The following DIPK1A variants were observed in gnomAD, a reference collection of about 807,000 sequenced individuals.
The protein encoded by DIPK1A is divergent protein kinase domain 1A, also known as family with sequence similarity 69 member A.
A neutral mutation model predicts 40.8 loss-of-function variants in DIPK1A; 27 were observed. The ratio of observed to expected loss-of-function variants is 0.66; its 90% CI spans 0.49 to 0.91. DIPK1A has a LOEUF of 0.91. DIPK1A is among the 40% of genes least tolerant of loss of function. The probability of loss-of-function intolerance (pLI) is 0.00; values close to 1 mark genes in which losing one functional copy is unlikely to be tolerated. For synonymous variants in DIPK1A, 166 were observed against 171.3 expected (o/e 0.97, Z 0.24); for missense variants, 412 against 505.7 (o/e 0.81, Z 1.78).
chr1:92,905,037 T>C (rs1056832735), intron 1 of DIPK1A, among the ~76,000 whole-genome samples: 2 of 152,194 alleles, frequency 1.3e-5, no homozygotes, highest in Non-Finnish European at 2.9e-5. Flanking sequence ...TACCACATTT[T>C]CTTTATCTGT....
At chr1:92,864,536 T>C (rs1436149340) in intron 2 of DIPK1A, among the ~76,000 whole-genome samples, 1 of 152,204 alleles carries the variant, frequency 6.6e-6, no homozygotes, top group Non-Finnish European at 1.5e-5. Context: ...CTGAGAAATG[T>C]ATAGAAGGGA....
intron 2 of DIPK1A, among the ~76,000 whole-genome samples, chr1:92,855,495 T>G (rs1687956790): frequency 6.6e-6 from 1 of 151,868 alleles, no homozygotes; most frequent in South Asian, 2.1e-4. Context: ...GGCCAGAAGT[T>G]TAAGACCAGC....
intron 1 of DIPK1A, among the ~76,000 whole-genome samples, chr1:92,915,083 CAAA>C (rs10583235): frequency 0.012 from 921 of 80,038 alleles, 2 homozygotes; most frequent in East Asian, 0.016. Flanking sequence ...GCAAGACTGT[CAAA>C]AAAAAAAAAA....
In DIPK1A at chr1:92,922,516, C is replaced by T. The variant is rs190333820; in HGVS notation, c.54+38860G>A. Among the ~76,000 whole-genome samples, 203 of 152,194 alleles carry T rather than the reference C, an allele frequency of 1.3e-3. 1 individual carries two copies. Among genetic ancestry groups the T allele is most frequent in the African/African-American group, 4.7e-3 (196 of 41,518 alleles). ...TTTAAGTGTAATCCAGATGCCAACACGACACACATTTCTGCAGACTCATCC... is the reference window on the plus strand; with the variant it reads ...TTTAAGTGTAATCCAGATGCCAACATGACACACATTTCTGCAGACTCATCC... On this transcript the variant is annotated intron_variant, in intron 1 of 4. Transcript: ENST00000370310.
intron 1 of DIPK1A, among the ~76,000 whole-genome samples, chr1:92,886,979 G>T (rs192168641): frequency 7.9e-5 from 12 of 151,938 alleles, no homozygotes; most frequent in Non-Finnish European, 1.8e-4. Flanking sequence ...GCTCTTTACC[G>T]AAATAGTTTG....
intron 1 of DIPK1A, among the ~76,000 whole-genome samples, chr1:92,943,145 C>T (rs1365334712): frequency 9.2e-5 from 14 of 151,858 alleles, no homozygotes; most frequent in Non-Finnish European, 1.5e-4. Context: ...ATAAGGAAGG[C>T]AAAAGAAGCA....
chr1:92,839,570 T>C (rs1245678321), downstream of DIPK1A, among the ~76,000 whole-genome samples: 3 of 152,242 alleles, frequency 2.0e-5, no homozygotes, highest in East Asian at 5.8e-4. Flanking sequence ...AGTCTAGGGA[T>C]TGTGGGATGA....
chr1:92,842,877 G>A lies in DIPK1A; in HGVS notation c.*506C>T, dbSNP rs1403128926. ...AATGGGTGTATAAGTCTTTAATACA[G>A]TAAACCATGCTATTAACCCAACATC... On this transcript the variant is annotated 3_prime_UTR_variant, in exon 5 of 5. Coordinates refer to ENST00000370310, the MANE Select transcript of DIPK1A (RefSeq NM_001006605.5). 2.0e-6 allele frequency: 2 copies of A among 986,180 alleles called. No homozygotes were observed. 61.1% of individuals were successfully genotyped at this position (986,180 alleles called of 1,614,324 possible).
Position 92,842,244 on chromosome 1 carries a change from C to A in DIPK1A, c.*1139G>T. The stretch of plus-strand genomic sequence containing the variant: ...AAAGTAAACAAAACTGGTGCTAATC[C>A]ATGGCGTTGAAGGAAAGTTTTGAGA... On this transcript the variant is annotated 3_prime_UTR_variant, in exon 5 of 5. Coordinates refer to ENST00000370310, the MANE Select transcript of DIPK1A (RefSeq NM_001006605.5). 1.0e-6 allele frequency: 1 copy of A among 990,128 alleles called. No homozygotes were observed. 61.3% of individuals were successfully genotyped at this position (990,128 alleles called of 1,614,324 possible).
At position 92,910,973 on chromosome 1, in the gene DIPK1A, C is replaced by A. The variant is rs528182052; in HGVS notation, c.55-34543G>T. On this transcript the variant is annotated intron_variant, in intron 1 of 4. Coordinates refer to ENST00000370310, the MANE Select transcript of DIPK1A (RefSeq NM_001006605.5). ...TTTATAGCCACATCCACCTCTATTACCTCCCCCATTCCCTGGCAACCGTTA... is the reference window on the plus strand; with the variant it reads ...TTTATAGCCACATCCACCTCTATTAACTCCCCCATTCCCTGGCAACCGTTA... Among the ~76,000 whole-genome samples the A allele has an allele frequency of 2.6e-5, 4 of 152,264 alleles. 1 individual carries two copies. The highest frequency in any genetic ancestry group is 9.6e-5 in the African/African-American group (4 of 41,548).
At chr1:92,953,527 G>A (rs1442395534) in intron 1 of DIPK1A, among the ~76,000 whole-genome samples, 6 of 152,072 alleles carry the variant, frequency 3.9e-5, no homozygotes, top group African/African-American at 1.4e-4. Flanking sequence ...ACTAATGAAT[G>A]GATAAAGGAA....
intron 2 of DIPK1A, among the ~76,000 whole-genome samples, chr1:92,867,347 C>T (rs1647597439): frequency 6.6e-6 from 1 of 151,982 alleles, no homozygotes; most frequent in South Asian, 2.1e-4. Flanking sequence ...GGCCACTGCG[C>T]CTGGCCCTTT....
chr1:92,839,377 C>T (rs1045562373), downstream of DIPK1A, among the ~76,000 whole-genome samples: 3 of 152,020 alleles, frequency 2.0e-5, no homozygotes, highest in Non-Finnish European at 4.4e-5. Flanking sequence ...AAAAATTGCC[C>T]AATAAAATAT....
intron 1 of DIPK1A, among the ~76,000 whole-genome samples, chr1:92,919,617 C>T (rs1255808986): frequency 6.6e-6 from 1 of 152,168 alleles, no homozygotes; most frequent in African/African-American, 2.4e-5. Context: ...TTGATTATTA[C>T]TCTGAGTATA....
chr1:92,906,732 T>G (rs2100830144), intron 1 of DIPK1A, among the ~76,000 whole-genome samples: 1 of 152,228 alleles, frequency 6.6e-6, no homozygotes, highest in East Asian at 1.9e-4. Context: ...CCCAGGTAAG[T>G]GTAATACCTA....
intron 2 of DIPK1A, among the ~76,000 whole-genome samples, chr1:92,874,778 T>C (rs182935876): frequency 3.9e-5 from 6 of 152,286 alleles, no homozygotes; most frequent in Admixed American, 3.3e-4. Flanking sequence ...GAGTATGAGC[T>C]TCATAGAGAG....
chr1:92,845,495 C>G (rs1235212105), intron 4 of DIPK1A: 1 of 334,426 alleles, frequency 3.0e-6, no homozygotes, highest in Non-Finnish European at 5.4e-6. Context: ...ATGGTGAAAC[C>G]GTGTCTATGC....
intron 1 of DIPK1A, among the ~76,000 whole-genome samples, chr1:92,894,730 A>C (rs1435924754): frequency 7.9e-5 from 12 of 152,102 alleles, no homozygotes; most frequent in Admixed American, 7.9e-4. Flanking sequence ...TTTTTTGAAA[A>C]GATCAACAAA....
intron 1 of DIPK1A, among the ~76,000 whole-genome samples, chr1:92,909,684 T>C (rs541274097): frequency 6.6e-6 from 1 of 152,078 alleles, no homozygotes; most frequent in East Asian, 1.9e-4. Flanking sequence ...TGGCCCTAGG[T>C]GTAGAGCAGA....
Sources: gnomAD v4.1 joint callset for allele counts (sites outside exome capture counted in the v4.1 genomes callset) on GRCh38, gnomAD v4.1.1 for gene constraint, MANE v1.5 for transcripts, NCBI Gene and HGNC (gene_info 2026-07-23, HGNC 2026-07-21) for gene names.